Variants in PASD1 observed in about 807,000 individuals in gnomAD.
The protein encoded by PASD1 is circadian clock protein PASD1.
PASD1 carries 13 observed loss-of-function variants against 58.8 expected under a neutral mutation model. The observed-to-expected ratio is 0.22, with a 90% CI of 0.14 to 0.35. The LOEUF (loss-of-function observed/expected upper bound fraction) is 0.35. PASD1 is among the 10% of genes least tolerant of loss of function. The probability of loss-of-function intolerance (pLI) is 1.00; values close to 1 mark genes in which losing one functional copy is unlikely to be tolerated. For synonymous variants in PASD1, 236 were observed against 216.7 expected (o/e 1.09, Z -0.78); for missense variants, 734 against 568.3 (o/e 1.29, Z -2.96).
chrX:151,603,761 T>A (rs2124254388), intron 2 of PASD1, among the ~76,000 whole-genome samples: 1 of 111,684 alleles, frequency 9.0e-6, no homozygotes. Flanking sequence ...GCTCTCTTTA[T>A]GCATGGCCTC....
At chrX:151,648,575 G>C in intron 8 of PASD1, 40 bp from the exon 9 acceptor site, 1 of 1,125,231 alleles carries the variant, frequency 8.9e-7, no homozygotes. Context: ...TAAATGGCGA[G>C]TGAGATATGC....
chrX:151,667,869 T>C (rs6627438), intron 11 of PASD1, among the ~76,000 whole-genome samples: 29,085 of 110,728 alleles, frequency 0.26, 3,835 homozygotes, highest in East Asian at 0.94. Context: ...TGCAGGCTCT[T>C]TTTTGGTTCC....
Position 151,582,931 on chromosome X carries a change from G to A in PASD1, c.-27-18596G>A, listed in dbSNP as rs144652103. Among the ~76,000 whole-genome samples the A allele has an allele frequency of 2.7e-5, 3 of 112,038 alleles. No homozygotes were observed. The East Asian group carries it at 8.4e-4, about 31-fold the overall frequency. ...AAGATCAATTGCTGAAAAGTTATTG[G>A]ACATAAATGTAATTGCTACAGAACA... On this transcript the variant is annotated intron_variant, in intron 1 of 15. Coordinates refer to ENST00000370357, the MANE Select transcript of PASD1 (RefSeq NM_173493.3).
chrX:151,583,100 G>A (rs2013120926), intron 1 of PASD1, among the ~76,000 whole-genome samples: 1 of 111,414 alleles, frequency 9.0e-6, no homozygotes, highest in African/African-American at 3.3e-5. Context: ...CGTGACACTT[G>A]CAGATGGGCA....
chrX:151,641,535 C>T (rs2013995974), intron 8 of PASD1, among the ~76,000 whole-genome samples: 1 of 111,167 alleles, frequency 9.0e-6, no homozygotes, highest in Non-Finnish European at 1.9e-5. Context: ...TATATGTTAA[C>T]CCACAAAAAG....
At chrX:151,627,367 C>T (rs2013802080) in intron 8 of PASD1, among the ~76,000 whole-genome samples, 1 of 108,807 alleles carries the variant, frequency 9.2e-6, no homozygotes, top group Non-Finnish European at 1.9e-5. Flanking sequence ...CCCCCCACCC[C>T]ACAACAGGCC....
At chrX:151,598,945 T>C (rs1460649877) in intron 1 of PASD1, among the ~76,000 whole-genome samples, 1 of 110,609 alleles carries the variant, frequency 9.0e-6, no homozygotes, top group African/African-American at 3.3e-5. Context: ...AGGTCTCTGG[T>C]TTTCCTAGGC....
chrX:151,643,794 T>C, intron 8 of PASD1, among the ~76,000 whole-genome samples: 2 of 111,751 alleles, frequency 1.8e-5, no homozygotes, highest in Middle Eastern at 9.2e-3. Flanking sequence ...TGAACTTATA[T>C]GTTATTCATG....
chrX:151,567,309 A>G (rs2012862122), intron 1 of PASD1, among the ~76,000 whole-genome samples: 1 of 110,553 alleles, frequency 9.0e-6, no homozygotes, highest in Non-Finnish European at 1.9e-5. Context: ...ACTTACTGAG[A>G]TGAGGAGCAC....
In PASD1 at chrX:151,587,338, G is replaced by A. The variant is rs1239663137; in HGVS notation, c.-27-14189G>A. On this transcript the variant is annotated intron_variant, in intron 1 of 15. Coordinates refer to ENST00000370357, the MANE Select transcript of PASD1 (RefSeq NM_173493.3). The stretch of plus-strand genomic sequence containing the variant: ...TGCATTTTTACAGGTAAGACTCAGC[G>A]TTCCCTCATTCATTTATTCATCCAC... 5.6e-5 allele frequency among the ~76,000 whole-genome samples: 6 copies of A among 108,062 alleles called. 1 individual carries two copies. The highest frequency in any genetic ancestry group is 9.5e-5 in the Non-Finnish European group (5 of 52,416). 93.8% of individuals were successfully genotyped at this position (108,062 alleles called of 115,157 possible).
intron 3 of PASD1, among the ~76,000 whole-genome samples, chrX:151,605,285 T>G (rs1025637325): frequency 1.8e-5 from 2 of 111,794 alleles, no homozygotes; most frequent in African/African-American, 6.5e-5. Flanking sequence ...TCTTTCTCTT[T>G]AAAATGGGTA....
At chrX:151,584,073 A>C (rs959232828) in intron 1 of PASD1, among the ~76,000 whole-genome samples, 1 of 111,880 alleles carries the variant, frequency 8.9e-6, no homozygotes, top group Non-Finnish European at 1.9e-5. Flanking sequence ...TGACATAGCT[A>C]GAAATGTAAG....
At chrX:151,619,969 G>A (rs1037565498) in intron 4 of PASD1, among the ~76,000 whole-genome samples, 8 of 111,053 alleles carry the variant, frequency 7.2e-5, no homozygotes, top group Admixed American at 3.8e-4. Flanking sequence ...GTATAAATTT[G>A]TACATAACTC....
chrX:151,676,097 C>T lies in PASD1; in HGVS notation c.2276C>T (p.Thr759Ile), dbSNP rs765805683. 1.3e-4 allele frequency: 156 copies of T among 1,208,431 alleles called. No homozygotes were observed. The highest frequency in any genetic ancestry group is 1.7e-4 in the Non-Finnish European group (150 of 894,500). Residue 759 changes from threonine (T) to isoleucine (I), a missense_variant, in exon 16 of 16, where the codon ACC (threonine) becomes ATC (isoleucine). Coordinates refer to ENST00000370357, the MANE Select transcript of PASD1 (RefSeq NM_173493.3). ...QPDQMRSAEQ[T>I]RLMPAEQRDS... ...GACCAGATGAGATCTGCGGAGCAGA[C>T]CAGATTGATGCCTGCAGAGCAACGT...
At chrX:151,622,916 A>G (rs1204349801) in intron 6 of PASD1, 21 bp from the exon 7 acceptor site, 3 of 1,192,906 alleles carry the variant, frequency 2.5e-6, no homozygotes, top group Non-Finnish European at 3.4e-6. Flanking sequence ...CTGTTTTCAC[A>G]TGTGTGTCTA....
intron 5 of PASD1, 50 bp downstream of exon 5, chrX:151,621,079 A>T (rs1442116713): frequency 1.2e-6 from 1 of 828,288 alleles, no homozygotes; most frequent in Admixed American, 2.5e-5. Context: ...AGGGACAAGT[A>T]ACAATCGCTC....
At chrX:151,667,739 T>C (rs1212373340) in intron 11 of PASD1, among the ~76,000 whole-genome samples, 1 of 111,866 alleles carries the variant, frequency 8.9e-6, no homozygotes, top group Non-Finnish European at 1.9e-5. Context: ...CATTGGTCTG[T>C]ATCTCTGTTT....
intron 8 of PASD1, among the ~76,000 whole-genome samples, chrX:151,626,392 G>A (rs186728582): frequency 1.6e-3 from 176 of 111,640 alleles, no homozygotes; most frequent in African/African-American, 5.4e-3. Flanking sequence ...GGAAAATGCC[G>A]ATTAATTTGC....
chrX:151,675,352 A>G (rs1436386832), intron 15 of PASD1, among the ~76,000 whole-genome samples: 1 of 111,065 alleles, frequency 9.0e-6, no homozygotes, highest in African/African-American at 3.3e-5. Context: ...GCCTTCTGGC[A>G]CCTTTCTGCC....
Sources: gnomAD v4.1 joint callset for allele counts (sites outside exome capture counted in the v4.1 genomes callset) on GRCh38, gnomAD v4.1.1 for gene constraint, MANE v1.5 for transcripts, NCBI Gene and HGNC (gene_info 2026-07-23, HGNC 2026-07-21) for gene names.